SPEG: variants seen among roughly 807,000 people sequenced by gnomAD.
SPEG encodes the protein striated muscle enriched protein kinase.
A neutral mutation model predicts 300.4 loss-of-function variants in SPEG; 114 were observed. The observed-to-expected ratio is 0.38, with a 90% confidence interval of 0.33 to 0.44. The LOEUF (loss-of-function observed/expected upper bound fraction) is 0.44, where lower values mean the gene tolerates loss of function less well. Among genes scored for constraint, SPEG ranks in the 20% least tolerant of loss-of-function variants. The pLI, the probability that SPEG is intolerant of heterozygous loss-of-function variation, is 1.00. For missense variants in SPEG, 4,201 were observed against 4,586.2 expected (o/e 0.92, Z 2.43); for synonymous variants, 1,964 against 2,018.9 (o/e 0.97, Z 0.73).
Position 219,458,945 on chromosome 2 carries a change from T to G in SPEG, c.2441-2937T>G, listed in dbSNP as rs997769240. ...AAGCAAAGGGCTGTGTGCGACACCT[T>G]TTATGTACTAGATAATTCGCAGTGG... On this transcript the variant is annotated intron_variant, in intron 6 of 40. Coordinates refer to ENST00000312358, the MANE Select transcript of SPEG (RefSeq NM_005876.5). The surrounding 1 kb of genome is among the most constrained non-coding windows in gnomAD (Gnocchi z 4.2). 1.3e-5 allele frequency among the ~76,000 whole-genome samples: 2 copies of G among 152,136 alleles called. No homozygotes were observed. Among genetic ancestry groups the G allele is most frequent in the African/African-American group, 4.8e-5 (2 of 41,408 alleles).
At chr2:219,466,012 G>C (rs757169870) in intron 9 of SPEG, 1 of 1,565,392 alleles carries the variant, frequency 6.4e-7, no homozygotes, top group African/African-American at 1.3e-5. Flanking sequence ...CGCGTATGCT[G>C]CACTAACCTG....
chr2:219,477,204 T>A lies in SPEG; in HGVS notation c.4561-73T>A. On this transcript the variant is annotated intron_variant, in intron 19 of 40. Coordinates refer to ENST00000312358, the MANE Select transcript of SPEG (RefSeq NM_005876.5). This position sits in a 1 kb window ranked among gnomAD's most constrained non-coding sequence, Gnocchi z 6.4. ...CTGGTGAGAGATGCGCTGCCCAGAG[T>A]AGGAGATGAGGCCCTGGCCCCAAGG... 1.3e-6 allele frequency: 2 copies of A among 1,498,834 alleles called. No individual in the cohort carries two copies. Among genetic ancestry groups the A allele is most frequent in the Non-Finnish European group, 9.0e-7 (1 of 1,114,790 alleles). The allele number at this position is 1,498,834 out of a possible 1,614,324, so 92.8% of individuals were successfully genotyped here.
At position 219,492,138 on chromosome 2, in the gene SPEG, G is replaced by A. The variant is rs550042885; in HGVS notation, c.9489G>A (p.Glu3163=). The part of the protein sequence containing the change: ...IMLSGRSPFY[E]PDPQETEARI... Reference sequence around the variant, plus strand: ...TCAGTGGACGCTCCCCGTTCTATGAGCCAGACCCCCAGGAAACGGAGGCTC... The same window carrying A: ...TCAGTGGACGCTCCCCGTTCTATGAACCAGACCCCCAGGAAACGGAGGCTC... The change falls in exon 40 of 41, where the codon GAG becomes GAA. Residue 3163 remains glutamate, a synonymous_variant. Coordinates refer to ENST00000312358, the MANE Select transcript of SPEG (RefSeq NM_005876.5). 5.0e-5 allele frequency: 80 copies of A among 1,613,542 alleles called. 2 individuals carry two copies. The South Asian group carries it at 8.3e-4, about 17-fold the overall frequency.
At chr2:219,453,660 A>G (rs1476772945) in intron 6 of SPEG, among the ~76,000 whole-genome samples, 1 of 152,222 alleles carries the variant, frequency 6.6e-6, no homozygotes, top group Non-Finnish European at 1.5e-5. Context: ...TCATTGCATT[A>G]GTCTGTTGCA....
rs748535532 is a variant in SPEG at position 219,490,966 on chromosome 2, C to T, written c.9385+10C>T. On this transcript the variant is annotated intron_variant, in intron 38 of 40. Transcript: ENST00000312358. The stretch of plus-strand genomic sequence containing the variant: ...ACGCTGGAGTTCATGGGTGAGGGGA[C>T]CAGCTGCCAGCCAGGGTGGGGACAG... 6.2e-6 allele frequency: 10 copies of T among 1,603,872 alleles called. No individual in the cohort carries two copies. In the East Asian group the frequency reaches 9.0e-5, roughly 14 times the overall value.
intron 6 of SPEG, among the ~76,000 whole-genome samples, chr2:219,453,285 T>C (rs1689911672): frequency 6.6e-6 from 1 of 152,240 alleles, no homozygotes; most frequent in East Asian, 1.9e-4. Context: ...GACTGAGAGT[T>C]CTGTATTTGC....
chr2:219,448,471 A>G lies in SPEG; in HGVS notation c.1313A>G (p.Gln438Arg). 2.7e-6 allele frequency: 4 copies of G among 1,474,140 alleles called. No individual in the cohort carries two copies. Among genetic ancestry groups the G allele is most frequent in the South Asian group, 1.3e-5 (1 of 76,962 alleles). 91.3% of individuals were successfully genotyped at this position (1,474,140 alleles called of 1,614,324 possible). The stretch of plus-strand genomic sequence containing the variant: ...CTGCGCAAGGCCCGCTCTCTGGAGC[A>G]GCCCAAGTCGGAGCGCGGCGCACCG... ...VPLRKARSLE[Q>R]PKSERGAPWG... Residue 438 changes from glutamine to arginine, a missense_variant, in exon 4 of 41, where the codon CAG (glutamine) becomes CGG (arginine). By Grantham distance (43) the Gln-to-Arg change is conservative. Around this residue, in one of 4 missense-constraint regions of SPEG, gnomAD observed 1,258 missense variants for 1,293.9 expected, o/e 0.97. Coordinates refer to ENST00000312358, the MANE Select transcript of SPEG (RefSeq NM_005876.5).
intron 6 of SPEG, among the ~76,000 whole-genome samples, chr2:219,457,327 A>C (rs1362948556): frequency 1.3e-5 from 2 of 152,202 alleles, no homozygotes; most frequent in Non-Finnish European, 2.9e-5. Context: ...TCACACCTGT[A>C]ATCCTAGCAC....
At chr2:219,447,213 TG>T (rs35954928) in intron 3 of SPEG, among the ~76,000 whole-genome samples, 146,087 of 150,656 alleles carry the variant, frequency 0.97, 70,956 homozygotes, top group Non-Finnish European at 1. Context: ...CATATCCCTG[TG>T]GGGGGGGGCC....
Position 219,448,001 on chromosome 2 carries a change from G to T in SPEG, c.843G>T (p.Arg281Ser). ...GCGTCCCTCAGAGCGGGTTGCGCAG[G>T]GAGGAGCCCGACCTTCAGCCTCAAC... ...HVSVPQSGLR[R>S]EEPDLQPQLA... Residue 281 changes from arginine (R) to serine (S), a missense_variant, in exon 4 of 41, where the codon AGG becomes AGT. Arg to Ser is a moderately radical substitution (Grantham distance 110). Around this residue, in one of 4 missense-constraint regions of SPEG, gnomAD observed 1,258 missense variants for 1,293.9 expected, o/e 0.97. Transcript: ENST00000312358. The T allele has an allele frequency of 6.2e-7, 1 of 1,612,546 alleles. No individual in the cohort carries two copies.
At position 219,448,644 on chromosome 2, in the gene SPEG, C is replaced by G. The variant is rs1689502206; in HGVS notation, c.1486C>G (p.Gln496Glu). 9 of 1,488,844 alleles carry G rather than the reference C, an allele frequency of 6.0e-6. No individual in the cohort carries two copies. The highest frequency in any genetic ancestry group is 8.0e-6 in the Non-Finnish European group (9 of 1,127,586). The allele number at this position is 1,488,844 out of a possible 1,614,324, so 92.2% of individuals were successfully genotyped here. A position where few individuals can be genotyped will look rare whatever the true frequency, so the allele number is the denominator to read the frequency against. The change falls in exon 4 of 41, where the codon CAG (glutamine) becomes GAG (glutamate). Residue 496 changes from glutamine to glutamate, a missense_variant. Physicochemically the swap from Gln to Glu is conservative, Grantham distance 29. Coordinates refer to ENST00000312358, the MANE Select transcript of SPEG (RefSeq NM_005876.5). ...CTCAGACCTCGAGCTGCGCTTCGCC[C>G]AGGAGCTGGGCCGCATCCGCCGCTC... ...PASDLELRFA[Q>E]ELGRIRRSTS...
chr2:219,484,632 G>T lies in SPEG; in HGVS notation c.7169G>T (p.Arg2390Leu). Residue 2390 changes from arginine (R) to leucine (L), a missense_variant, in exon 30 of 41, where the codon CGC (arginine) becomes CTC (leucine). This residue lies in a region of SPEG where 1,578 missense variants were observed against 1,506.0 expected (regional missense o/e 1.05). Coordinates refer to ENST00000312358, the MANE Select transcript of SPEG (RefSeq NM_005876.5). Reference sequence around the variant, plus strand: ...CTGGAGCTGGTGCGACGGCCTGAGCGCTCACGCTCGGTGCAGGACCTCAGG... The same window carrying T: ...CTGGAGCTGGTGCGACGGCCTGAGCTCTCACGCTCGGTGCAGGACCTCAGG... ...TPLELVRRPE[R>L]SRSVQDLRAV... 2.6e-6 allele frequency: 4 copies of T among 1,541,264 alleles called. No homozygotes were observed. In the South Asian group the frequency reaches 3.5e-5, roughly 14 times the overall value.
intron 10 of SPEG, among the ~76,000 whole-genome samples, chr2:219,468,194 C>A (rs1050195627): frequency 2.6e-5 from 4 of 152,126 alleles, no homozygotes. Flanking sequence ...GGGCATGACC[C>A]CAGCACAGAG....
At chr2:219,462,433 C>A in intron 8 of SPEG, 47 bp downstream of exon 8, 1 of 1,480,116 alleles carries the variant, frequency 6.8e-7, no homozygotes, top group Non-Finnish European at 9.2e-7. Flanking sequence ...CTATGCCAGG[C>A]CTGGCTCTGG....
At chr2:219,449,301 C>G in intron 4 of SPEG, 30 bp downstream of exon 4, 2 of 1,352,022 alleles carry the variant, frequency 1.5e-6, no homozygotes, top group Middle Eastern at 2.8e-4. Context: ...TGACAAGGTG[C>G]CTGAACCCCC....
At chr2:219,471,845 T>C (rs1691903431) in intron 13 of SPEG, 23 bp from the exon 14 acceptor site, 1 of 1,613,456 alleles carries the variant, frequency 6.2e-7, no homozygotes, top group Admixed American at 1.7e-5. Context: ...TCAGGCCCAG[T>C]GTCACTGTCC....
Position 219,488,198 on chromosome 2 carries a change from C to T in SPEG, c.7746C>T (p.Phe2582=). 6.2e-7 allele frequency: 1 copy of T among 1,606,560 alleles called. No homozygotes were observed. The highest frequency in any genetic ancestry group is 1.7e-5 in the Admixed American group (1 of 59,580). ...GHQYVRSESD[F]PPVFHIKLKD... ...CTGTCTCTGCTTTTCCTCCAGACTT[C>T]CCCCCAGTCTTCCACATCAAACTCA... The change falls in exon 32 of 41, where the codon TTC becomes TTT. Residue 2582 remains phenylalanine, a synonymous_variant. Coordinates refer to ENST00000312358, the MANE Select transcript of SPEG (RefSeq NM_005876.5).
At position 219,444,100 on chromosome 2, in the gene SPEG, C is replaced by A. The variant is rs768969009; in HGVS notation, c.389-553C>A. 7 of 1,333,246 alleles carry A rather than the reference C, an allele frequency of 5.3e-6. No homozygotes were observed. The highest frequency in any genetic ancestry group is 1.2e-5 in the South Asian group (1 of 84,402). 82.6% of individuals were successfully genotyped at this position (1,333,246 alleles called of 1,614,324 possible). A position where few individuals can be genotyped will look rare whatever the true frequency, so the allele number is the denominator to read the frequency against. The stretch of plus-strand genomic sequence containing the variant: ...CTGCTCTAGCCCCCCGCATCCCCCC[C>A]TTTCCCACCCGGCCCCGGCCTCTCC... On this transcript the variant is annotated intron_variant, in intron 1 of 40. Transcript: ENST00000312358. This position sits in a 1 kb window ranked among gnomAD's most constrained non-coding sequence, Gnocchi z 7.8.
At chr2:219,469,637 A>G (rs1318136244) in intron 13 of SPEG, among the ~76,000 whole-genome samples, 3 of 152,098 alleles carry the variant, frequency 2.0e-5, no homozygotes, top group Non-Finnish European at 2.9e-5. Context: ...ACTAACCCGC[A>G]TCGGGCCCAT....
Sources: allele counts gnomAD v4.1 joint callset (sites outside exome capture counted in the v4.1 genomes callset), GRCh38; gene constraint gnomAD v4.1.1; regional missense constraint gnomAD v4.1.1; non-coding constraint Gnocchi (gnomAD v3.1); transcripts MANE v1.5; gene names NCBI Gene and HGNC (gene_info 2026-07-23, HGNC 2026-07-21).